VWF: variants seen among roughly 807,000 people sequenced by gnomAD.
The protein encoded by VWF is Factor VIII related antigen.
In VWF, 176 loss-of-function variants were observed where a neutral mutation model predicts 308.6. The observed-to-expected ratio is 0.57, with a 90% confidence interval of 0.50 to 0.65. The LOEUF (loss-of-function observed/expected upper bound fraction) is 0.65. VWF is among the 30% of genes least tolerant of loss of function. The probability of loss-of-function intolerance (pLI) is 0.00; values close to 1 mark genes in which losing one functional copy is unlikely to be tolerated. For missense variants in VWF, 3,146 were observed against 3,648.2 expected, an observed-to-expected ratio of 0.86 and a Z score of 3.55; for synonymous variants, 1,385 against 1,443.4, an observed-to-expected ratio of 0.96 and a Z score of 0.92.
intron 10 of VWF, among the ~76,000 whole-genome samples, chr12:6,066,772 C>A (rs1378805664): frequency 6.6e-6 from 1 of 152,248 alleles, no homozygotes; most frequent in Non-Finnish European, 1.5e-5. Flanking sequence ...TTGTCAAGGA[C>A]AAGCTCCACA....
intron 4 of VWF, 33 bp downstream of exon 4, chr12:6,110,832 AG>A (rs1244084476): frequency 1.9e-6 from 3 of 1,599,928 alleles, no homozygotes; most frequent in Non-Finnish European, 8.6e-7. Flanking sequence ...GGGGATCCCT[AG>A]GGTCCTTTCT....
At chr12:5,972,035 T>C (rs991695046) in intron 43 of VWF, among the ~76,000 whole-genome samples, 2 of 152,174 alleles carry the variant, frequency 1.3e-5, no homozygotes, top group Non-Finnish European at 2.9e-5. Flanking sequence ...GCCCTTATCA[T>C]GGCCAACTCT....
chr12:6,103,255 G>C (rs1945187735), intron 5 of VWF, among the ~76,000 whole-genome samples: 1 of 151,948 alleles, frequency 6.6e-6, no homozygotes, highest in South Asian at 2.1e-4. Flanking sequence ...ATGAACCCAG[G>C]AGGCGGAGCT....
chr12:6,068,797 A>G (rs1437007423), intron 10 of VWF, among the ~76,000 whole-genome samples: 1 of 115,580 alleles, frequency 8.7e-6, no homozygotes, highest in Admixed American at 8.9e-5. Flanking sequence ...CCCAAGATGC[A>G]TTTTTTTTTC....
rs377243998 is a variant in VWF at position 6,064,335 on chromosome 12, A to G, written c.1343T>C (p.Leu448Pro). ...AVCTRSVTVR[L>P]PGLHNSLVKL... Reference sequence around the variant, plus strand: ...CACAAGGCTGTTGTGCAGGCCAGGCAGCCGGACGGTGACGGAGCGGGTGCA... The same window carrying G: ...CACAAGGCTGTTGTGCAGGCCAGGCGGCCGGACGGTGACGGAGCGGGTGCA... Residue 448 changes from leucine to proline, a missense_variant, in exon 12 of 52, where the codon CTG becomes CCG. Around this residue, in one of 3 missense-constraint regions of VWF, gnomAD observed 1,304 missense variants for 1,353.0 expected, o/e 0.96. Transcript: ENST00000261405. 1 of 1,614,066 alleles carries G rather than the reference A, an allele frequency of 6.2e-7. No homozygotes were observed. The highest frequency in any genetic ancestry group is 1.3e-5 in the African/African-American group (1 of 74,946).
At position 6,058,470 on chromosome 12, in the gene VWF, C is replaced by T. The variant is rs1316340021; in HGVS notation, c.1534-426G>A. ...GGCCTGACCCCCCCACCCAGAGTTA[C>T]GTGCAAACTCAAGGCCCCTCTATAT... is the stretch of plus-strand genomic sequence containing the variant. On this transcript the variant is annotated intron_variant, in intron 13 of 51. Transcript: ENST00000261405. This position sits in a 1 kb window ranked among gnomAD's most constrained non-coding sequence, Gnocchi z 4.9. Among the ~76,000 whole-genome samples, 4 of 152,172 alleles carry T rather than the reference C, an allele frequency of 2.6e-5. No individual in the cohort carries two copies. The highest frequency in any genetic ancestry group is 4.8e-5 in the African/African-American group (2 of 41,448).
In VWF at chr12:5,949,212, A is replaced by G. The variant is rs1338615034; in HGVS notation, c.8254-9T>C. ...TTGCTGGCACATTTGCCCTGCAAGA[A>G]AGCAGAGGAAGATGGGAGCTTCACA... On this transcript the variant is annotated splice_polypyrimidine_tract_variant and intron_variant, in intron 51 of 51. Coordinates refer to ENST00000261405, the MANE Select transcript of VWF (RefSeq NM_000552.5). The G allele has an allele frequency of 6.2e-7, 1 of 1,613,164 alleles. No homozygotes were observed. The highest frequency in any genetic ancestry group is 8.5e-7 in the Non-Finnish European group (1 of 1,179,952).
chr12:5,958,685 T>C (rs1943278095), intron 47 of VWF, among the ~76,000 whole-genome samples: 2 of 151,960 alleles, frequency 1.3e-5, no homozygotes, highest in Non-Finnish European at 2.9e-5. Flanking sequence ...TGAGACCCTG[T>C]CTCAAAAAAT....
At chr12:6,090,879 C>T (rs923432865) in intron 6 of VWF, among the ~76,000 whole-genome samples, 2 of 152,200 alleles carry the variant, frequency 1.3e-5, no homozygotes, top group Admixed American at 1.3e-4. Context: ...GGGTGAGAGA[C>T]ACTCAAGGGG....
rs148122508 is a variant in VWF at position 6,034,762 on chromosome 12, C to T, written c.2611G>A (p.Gly871Ser). 6.8e-6 allele frequency: 11 copies of T among 1,614,104 alleles called. No individual in the cohort carries two copies. Among genetic ancestry groups the T allele is most frequent in the Middle Eastern group, 1.6e-4 (1 of 6,084 alleles). The change falls in exon 20 of 52, where the codon GGC becomes AGC. Residue 871 changes from glycine to serine, a missense_variant. Physicochemically the swap from Gly to Ser is moderately conservative, Grantham distance 56 (BLOSUM62 0). This residue lies in a region of VWF where 1,304 missense variants were observed against 1,353.0 expected (regional missense o/e 0.96). Coordinates refer to ENST00000261405, the MANE Select transcript of VWF (RefSeq NM_000552.5). ...HVCDATCSTIGMAHYLTFDGL... is the reference protein window; with the variant it reads ...HVCDATCSTISMAHYLTFDGL... Reference sequence around the variant, plus strand: ...TCGAAGGTGAGGTAGTGGGCCATGCCGATCGTGGAGCACGTGGCATCACAC... The same window carrying T: ...TCGAAGGTGAGGTAGTGGGCCATGCTGATCGTGGAGCACGTGGCATCACAC...
At chr12:6,031,355 C>A in intron 21 of VWF, 89 bp downstream of exon 21, 1 of 1,603,904 alleles carries the variant, frequency 6.2e-7, no homozygotes. Flanking sequence ...TCCATTCACA[C>A]GAGCTCTAAA....
In VWF at chr12:6,057,879, T is replaced by A. The variant is rs1223200932; in HGVS notation, c.1699A>T (p.Ser567Cys). 2 of 1,611,556 alleles carry A rather than the reference T, an allele frequency of 1.2e-6. No homozygotes were observed. The highest frequency in any genetic ancestry group is 1.1e-5 in the South Asian group (1 of 90,900). Residue 567 changes from serine (S) to cysteine (C), a missense_variant, in exon 14 of 52, where the codon AGC becomes TGC. Transcript: ENST00000261405. Reference sequence around the variant, plus strand: ...CGCGGGTTGAGGGCGCAGGGATCGCTGTGCTGCTTCTGCAGGTCCTGGCAG... The same window carrying A: ...CGCGGGTTGAGGGCGCAGGGATCGCAGTGCTGCTTCTGCAGGTCCTGGCAG... ...GDCQDLQKQH[S>C]DPCALNPRMT...
At chr12:5,970,087 G>A (rs902651767) in intron 44 of VWF, among the ~76,000 whole-genome samples, 6 of 152,118 alleles carry the variant, frequency 3.9e-5, no homozygotes, top group African/African-American at 1.4e-4. Context: ...CAGATGAGGT[G>A]TAGAAAATGC....
chr12:5,998,760 T>C (rs1943840037), intron 34 of VWF, among the ~76,000 whole-genome samples: 2 of 152,202 alleles, frequency 1.3e-5, no homozygotes, highest in East Asian at 3.9e-4. Flanking sequence ...GAAGTGTCAC[T>C]CTTGTCACCA....
chr12:5,964,238 A>ACATGCATACATG (rs1555189787), intron 47 of VWF, among the ~76,000 whole-genome samples: 1 of 138,636 alleles, frequency 7.2e-6, no homozygotes, highest in African/African-American at 3.2e-5. Flanking sequence ...ATACATACAT[A>ACATGCATACATG]CATACATACA....
chr12:5,999,271 G>C (rs1943845938), intron 34 of VWF, among the ~76,000 whole-genome samples: 1 of 152,060 alleles, frequency 6.6e-6, no homozygotes, highest in African/African-American at 2.4e-5. Context: ...CAACAGACCA[G>C]AGCAGGTGCT....
intron 24 of VWF, 101 bp from the exon 25 acceptor site, chr12:6,023,888 G>C (rs112117835): frequency 7.3e-7 from 1 of 1,362,262 alleles, no homozygotes; most frequent in African/African-American, 1.5e-5. Context: ...TTAAGGATAA[G>C]GGGGTCCAGG....
intron 10 of VWF, among the ~76,000 whole-genome samples, chr12:6,069,131 C>T (rs930030032): frequency 2.0e-5 from 3 of 152,130 alleles, no homozygotes; most frequent in Non-Finnish European, 4.4e-5. Context: ...GCTGGGATTA[C>T]AGGCGTGAGC....
At chr12:6,038,742 T>A (rs191294443) in intron 18 of VWF, among the ~76,000 whole-genome samples, 4 of 152,318 alleles carry the variant, frequency 2.6e-5, no homozygotes, top group Admixed American at 6.5e-5. Context: ...AATATTATAA[T>A]AGGACCTTGA....
Sources: allele counts gnomAD v4.1 joint callset (sites outside exome capture counted in the v4.1 genomes callset), GRCh38; gene constraint gnomAD v4.1.1; regional missense constraint gnomAD v4.1.1; non-coding constraint Gnocchi (gnomAD v3.1); transcripts MANE v1.5; gene names NCBI Gene and HGNC (gene_info 2026-07-23, HGNC 2026-07-21).